The following YTHDC2 variants were observed in gnomAD, a reference collection of about 807,000 sequenced individuals.
The protein encoded by YTHDC2 is YTH N6-methyladenosine RNA binding protein C2, also known as 3'-5' RNA helicase YTHDC2.
A neutral mutation model predicts 174.9 loss-of-function variants in YTHDC2; 45 were observed. The ratio of observed to expected loss-of-function variants is 0.26; its 90% CI spans 0.20 to 0.33. The LOEUF is 0.33. Among genes scored for constraint, YTHDC2 ranks in the 10% least tolerant of loss-of-function variants. The probability of loss-of-function intolerance (pLI) is 1.00; values close to 1 mark genes in which losing one functional copy is unlikely to be tolerated. For missense variants in YTHDC2, 1,650 were observed against 1,723.7 expected (o/e 0.96, Z 0.76); for synonymous variants, 657 against 574.5 (o/e 1.14, Z -2.05).
chr5:113,554,720 C>G lies in YTHDC2; in HGVS notation c.2133+698C>G, dbSNP rs193271423. Among the ~76,000 whole-genome samples the G allele has an allele frequency of 6.8e-3, 1,012 of 148,248 alleles. 6 individuals carry two copies. Among genetic ancestry groups the G allele is most frequent in the African/African-American group, 0.014 (537 of 39,376 alleles). On this transcript the variant is annotated intron_variant, in intron 16 of 29. Coordinates refer to ENST00000161863, the MANE Select transcript of YTHDC2 (RefSeq NM_022828.5). ...ATATTTACTATTTGAAAGTCCTTTTCAAAAACAGCCAACCTTTGTTATAAA... is the reference window on the plus strand; with the variant it reads ...ATATTTACTATTTGAAAGTCCTTTTGAAAAACAGCCAACCTTTGTTATAAA...
intron 24 of YTHDC2, 79 bp from the exon 25 acceptor site, chr5:113,581,338 A>T (rs1778390641): frequency 1.5e-6 from 2 of 1,320,054 alleles, no homozygotes; most frequent in African/African-American, 3.0e-5. Flanking sequence ...AACAGTTGCA[A>T]ACTAATGGAA....
At chr5:113,574,445 A>G (rs1046676823) in intron 23 of YTHDC2, among the ~76,000 whole-genome samples, 4 of 152,208 alleles carry the variant, frequency 2.6e-5, no homozygotes, top group Non-Finnish European at 5.9e-5. Flanking sequence ...GAATGAGATC[A>G]GGGACCTGTA....
At chr5:113,526,813 A>T in intron 4 of YTHDC2, 28 bp downstream of exon 4, 3 of 227,362 alleles carry the variant, frequency 1.3e-5, no homozygotes, top group South Asian at 1.7e-4. Context: ...TGTTTATAGA[A>T]AAAAAAAAAA....
At chr5:113,586,436 T>A (rs1434508339) in intron 26 of YTHDC2, among the ~76,000 whole-genome samples, 2 of 152,008 alleles carry the variant, frequency 1.3e-5, no homozygotes, top group African/African-American at 4.8e-5. Context: ...ATGTTTTGCA[T>A]ATTTTTTCTA....
intron 5 of YTHDC2, 149 bp from the exon 6 acceptor site, chr5:113,534,156 C>A: frequency 2.0e-6 from 1 of 509,590 alleles, no homozygotes; most frequent in South Asian, 4.1e-5. Flanking sequence ...AACTGCAAAA[C>A]CTCATAGCTT....
At chr5:113,533,465 T>C (rs948898403) in intron 5 of YTHDC2, among the ~76,000 whole-genome samples, 2 of 151,768 alleles carry the variant, frequency 1.3e-5, no homozygotes, top group African/African-American at 4.8e-5. Flanking sequence ...AGGAGAATCG[T>C]TTGAACCCGG....
At position 113,535,466 on chromosome 5, in the gene YTHDC2, T is replaced by C. The variant is rs1467226492; in HGVS notation, c.946-176T>C. On this transcript the variant is annotated intron_variant, in intron 6 of 29. Transcript: ENST00000161863. ...ACTTTACTTTGTCATCTGCATTTCA[T>C]TGTTAATGTCTAATTATTTCTGAAA... 3.9e-5 allele frequency among the ~76,000 whole-genome samples: 6 copies of C among 152,222 alleles called. No homozygotes were observed. The East Asian group carries it at 1.2e-3, about 29-fold the overall frequency.
At chr5:113,552,740 G>A (rs1776333020) in intron 12 of YTHDC2, among the ~76,000 whole-genome samples, 2 of 152,062 alleles carry the variant, frequency 1.3e-5, no homozygotes, top group Admixed American at 1.3e-4. Context: ...CTGCCACATT[G>A]TTTTCCAAAG....
chr5:113,553,765 A>C lies in YTHDC2; in HGVS notation c.1965-2A>C. ...TATGTTTTCTCTTTCAATTGTCTGC[A>C]GATACCAAGTCTTTATGCTTCATTC... On this transcript the variant is annotated splice_acceptor_variant, in intron 14 of 29. Coordinates refer to ENST00000161863, the MANE Select transcript of YTHDC2 (RefSeq NM_022828.5). LOFTEE classifies it high-confidence loss of function. 6.2e-7 allele frequency: 1 copy of C among 1,612,330 alleles called. No homozygotes were observed. Among genetic ancestry groups the C allele is most frequent in the Non-Finnish European group, 8.5e-7 (1 of 1,179,348 alleles).
chr5:113,522,141 GT>G (rs397883128), intron 2 of YTHDC2, among the ~76,000 whole-genome samples: 220 of 131,122 alleles, frequency 1.7e-3, no homozygotes, highest in African/African-American at 5.6e-3. Flanking sequence ...TTTGTTTTTT[GT>G]TTTTTTTTTT....
rs1776042984 is a variant in YTHDC2, at chr5:113,548,611, A to G, written c.1566A>G (p.Gln522=). The G allele has an allele frequency of 6.2e-7, 1 of 1,613,558 alleles. No individual in the cohort carries two copies. Among genetic ancestry groups the G allele is most frequent in the African/African-American group, 1.3e-5 (1 of 75,038 alleles). The change falls in exon 11 of 30, where the codon CAA becomes CAG. Residue 522 remains glutamine, a synonymous_variant. Coordinates refer to ENST00000161863, the MANE Select transcript of YTHDC2 (RefSeq NM_022828.5). ...CTGCAGGACGTGGCTTTGCAAGTCAAGTAGAACAGTTAATCAGTATGGGAG... is the reference window on the plus strand; with the variant it reads ...CTGCAGGACGTGGCTTTGCAAGTCAGGTAGAACAGTTAATCAGTATGGGAG... ...MVAAGRGFAS[Q]VEQLISMGAN... is the part of the protein sequence containing the mutation.
chr5:113,529,946 G>C (rs1228037593), intron 4 of YTHDC2, among the ~76,000 whole-genome samples: 2 of 151,958 alleles, frequency 1.3e-5, no homozygotes, highest in East Asian at 3.9e-4. Context: ...TTTATGTAGA[G>C]GTGGGGTATC....
At chr5:113,573,656 G>T (rs1417879214) in intron 23 of YTHDC2, among the ~76,000 whole-genome samples, 1 of 152,046 alleles carries the variant, frequency 6.6e-6, no homozygotes, top group Non-Finnish European at 1.5e-5. Context: ...TGGAGGTTTT[G>T]TTCATTTCTT....
At chr5:113,566,307 A>G (rs1215255536) in intron 21 of YTHDC2, among the ~76,000 whole-genome samples, 1 of 152,176 alleles carries the variant, frequency 6.6e-6, no homozygotes, top group Non-Finnish European at 1.5e-5. Context: ...AGATCAATTT[A>G]GATCTTATAG....
rs374595164 is a variant in YTHDC2 at position 113,554,071 on chromosome 5, C to T, written c.2133+49C>T. ...TTACTTAAATGAAGAAGATTAAGTT[C>T]TACTTCAACAAATACTTTTATTTAT... On this transcript the variant is annotated intron_variant, in intron 16 of 29. Transcript: ENST00000161863. 7.3e-5 allele frequency: 99 copies of T among 1,365,128 alleles called. 7 individuals carry two copies. The highest frequency in any genetic ancestry group is 3.0e-4 in the South Asian group (17 of 56,784). The allele number at this position is 1,365,128 out of a possible 1,614,324, so 84.6% of individuals were successfully genotyped here.
Position 113,513,748 on chromosome 5 carries a change from T to G in YTHDC2, c.-148T>G, listed in dbSNP as rs1773177539. The G allele has an allele frequency of 1.3e-6, 1 of 792,412 alleles. No individual in the cohort carries two copies. The highest frequency in any genetic ancestry group is 1.9e-5 in the African/African-American group (1 of 53,938). The allele number at this position is 792,412 out of a possible 1,614,324, so 49.1% of individuals were successfully genotyped here. A position where few individuals can be genotyped will look rare whatever the true frequency, so the allele number is the denominator to read the frequency against. On this transcript the variant is annotated 5_prime_UTR_variant, in exon 1 of 30. It removes the in-frame stop codon of an upstream open reading frame in the 5' UTR. Coordinates refer to ENST00000161863, the MANE Select transcript of YTHDC2 (RefSeq NM_022828.5). ...GCAGGCTTCACTTCTGCTGTGGCGG[T>G]GACTGAGGCCTTTCTGGTGACCTCA... is the stretch of plus-strand genomic sequence containing the variant.
intron 23 of YTHDC2, among the ~76,000 whole-genome samples, chr5:113,568,240 C>T (rs1268799224): frequency 6.6e-6 from 1 of 152,080 alleles, no homozygotes; most frequent in African/African-American, 2.4e-5. Flanking sequence ...TAAATTATTT[C>T]ACCCAAACTG....
chr5:113,567,890 T>A, intron 23 of YTHDC2, 41 bp downstream of exon 23: 2 of 1,360,298 alleles, frequency 1.5e-6, no homozygotes, highest in Non-Finnish European at 1.9e-6. Context: ...TGAAATGAAT[T>A]TTTTTTTTTT....
chr5:113,584,265 T>C (rs746337447), intron 25 of YTHDC2, 37 bp from the exon 26 acceptor site: 93 of 1,571,692 alleles, frequency 5.9e-5, no homozygotes, highest in Non-Finnish European at 7.4e-5. Flanking sequence ...GACGAACTTA[T>C]ATATAACTGA....
Sources: allele counts gnomAD v4.1 joint callset (sites outside exome capture counted in the v4.1 genomes callset), GRCh38; gene constraint gnomAD v4.1.1; transcripts MANE v1.5; gene names NCBI Gene and HGNC (gene_info 2026-07-23, HGNC 2026-07-21).